ECHS1: variants seen among roughly 807,000 people sequenced by gnomAD.
ECHS1 encodes the protein enoyl-CoA hydratase, mitochondrial.
Under a neutral mutation model 33.5 loss-of-function variants are expected in ECHS1, and 19 were observed. That is an observed-to-expected ratio of 0.57 (90% confidence interval 0.40 to 0.83). The LOEUF is 0.83. Ranked by LOEUF, ECHS1 falls within the 40% of genes least tolerant of loss-of-function variation. The probability of loss-of-function intolerance (pLI) is 0.00; values close to 1 mark genes in which losing one functional copy is unlikely to be tolerated. For synonymous variants in ECHS1, 158 were observed against 146.6 expected (o/e 1.08, Z -0.56); for missense variants, 365 against 381.3 (o/e 0.96, Z 0.36).
At chr10:133,365,329 C>CGGCAAGCCCGGGG (rs1311048826) in intron 6 of ECHS1, among the ~76,000 whole-genome samples, 1 of 152,236 alleles carries the variant, frequency 6.6e-6, no homozygotes, top group Non-Finnish European at 1.5e-5. Context: ...CTCAAGCCAA[C>CGGCAAGCCCGGGG]GGCAAGCCCG....
At chr10:133,368,070 T>C (rs1849056009) in intron 4 of ECHS1, among the ~76,000 whole-genome samples, 1 of 152,094 alleles carries the variant, frequency 6.6e-6, no homozygotes, top group Non-Finnish European at 1.5e-5. Flanking sequence ...CTTTATCTCT[T>C]TGTCTTGTGT....
intron 3 of ECHS1, 72 bp from the exon 4 acceptor site, chr10:133,369,094 A>G: frequency 2.8e-6 from 4 of 1,443,014 alleles, no homozygotes; most frequent in Non-Finnish European, 3.9e-6. Context: ...TTGCTTATTC[A>G]AATTTTCCAT....
intron 6 of ECHS1, among the ~76,000 whole-genome samples, chr10:133,365,583 T>C (rs902355198): frequency 1.4e-4 from 21 of 152,012 alleles, no homozygotes; most frequent in Non-Finnish European, 1.8e-4. Context: ...GCTGCAAGCC[T>C]GCGTAGCCAC....
chr10:133,369,760 G>C (rs564116684), intron 3 of ECHS1, 144 bp downstream of exon 3: 3 of 1,188,008 alleles, frequency 2.5e-6, no homozygotes, highest in African/African-American at 3.1e-5. Context: ...CACAGTTCCT[G>C]GCTCTTTAGC....
intron 7 of ECHS1, among the ~76,000 whole-genome samples, 179 bp downstream of exon 7, chr10:133,364,479 C>G (rs986523895): frequency 1.3e-5 from 2 of 152,156 alleles, no homozygotes; most frequent in African/African-American, 4.8e-5. Context: ...CTTGTACATG[C>G]TCTACTTTTT....
At chr10:133,363,206 C>T (rs1268895796) in intron 7 of ECHS1, among the ~76,000 whole-genome samples, 1 of 152,248 alleles carries the variant, frequency 6.6e-6, no homozygotes, top group East Asian at 1.9e-4. Flanking sequence ...GCCTCAGATG[C>T]ACCCATCTTG....
intron 3 of ECHS1, 135 bp from the exon 4 acceptor site, chr10:133,369,157 C>A: frequency 1.4e-6 from 1 of 725,376 alleles, no homozygotes; most frequent in Non-Finnish European, 2.3e-6. Context: ...TGGCACCAAA[C>A]TAGATAATTG....
At chr10:133,363,246 G>T (rs1223303422) in intron 7 of ECHS1, among the ~76,000 whole-genome samples, 3 of 152,230 alleles carry the variant, frequency 2.0e-5, no homozygotes, top group Non-Finnish European at 4.4e-5. Flanking sequence ...ACTGGATGAT[G>T]GGTGGCCTGT....
intron 6 of ECHS1, among the ~76,000 whole-genome samples, chr10:133,365,203 C>T (rs1268089036): frequency 4.6e-5 from 7 of 152,212 alleles, no homozygotes; most frequent in East Asian, 1.9e-4. Context: ...TGGAGGCAGG[C>T]GCTGTGGCTC....
intron 5 of ECHS1, 131 bp downstream of exon 5, chr10:133,366,758 G>T (rs1287809742): frequency 1.8e-5 from 12 of 662,734 alleles, no homozygotes; most frequent in Non-Finnish European, 2.4e-5. Flanking sequence ...ACCCATGAGG[G>T]GGACACCTGG....
At chr10:133,369,763 T>C in intron 3 of ECHS1, 141 bp downstream of exon 3, 1 of 1,226,864 alleles carries the variant, frequency 8.2e-7, no homozygotes, top group Non-Finnish European at 1.1e-6. Context: ...AGTTCCTGGC[T>C]CTTTAGCACC....
At chr10:133,369,145 G>T in intron 3 of ECHS1, 123 bp from the exon 4 acceptor site, 1 of 795,658 alleles carries the variant, frequency 1.3e-6, no homozygotes, top group Non-Finnish European at 2.0e-6. Flanking sequence ...AGACTAACAT[G>T]GTGGCACCAA....
chr10:133,367,266 A>C (rs1408608853), intron 4 of ECHS1, among the ~76,000 whole-genome samples: 4 of 152,268 alleles, frequency 2.6e-5, no homozygotes, highest in African/African-American at 4.8e-5. Flanking sequence ...TATAATAAAG[A>C]AAATAGTTAG....
chr10:133,363,577 A>C (rs1848993857), intron 7 of ECHS1, among the ~76,000 whole-genome samples: 1 of 152,212 alleles, frequency 6.6e-6, no homozygotes, highest in Non-Finnish European at 1.5e-5. Context: ...TGAGGTCAGG[A>C]GTTCAAGACC....
rs1031728707 is a variant in ECHS1 at position 133,367,415 on chromosome 10, G to A, written c.515-422C>T. On this transcript the variant is annotated intron_variant, in intron 4 of 7. Coordinates refer to ENST00000368547, the MANE Select transcript of ECHS1 (RefSeq NM_004092.4). ...AATATAACCAAGAAATAACTGGCGG[G>A]TATAGGGTCAGGTGCTGAAGGCACA... Among the ~76,000 whole-genome samples, 106 of 151,288 alleles carry A rather than the reference G, an allele frequency of 7.0e-4. 2 individuals are homozygous for A. Among genetic ancestry groups the A allele is most frequent in the Non-Finnish European group, 2.4e-4 (16 of 68,014 alleles).
At chr10:133,366,231 G>A (rs888444170) in intron 5 of ECHS1, 136 bp from the exon 6 acceptor site, 34 of 996,208 alleles carry the variant, frequency 3.4e-5, no homozygotes, top group South Asian at 3.2e-4. Context: ...GCTTCCACAC[G>A]GGAAGTGCCG....
intron 4 of ECHS1, among the ~76,000 whole-genome samples, chr10:133,368,137 G>C (rs924144326): frequency 6.6e-6 from 1 of 152,128 alleles, no homozygotes; most frequent in Admixed American, 6.5e-5. Flanking sequence ...GCTAAGCCCC[G>C]TAGGGCTGGA....
chr10:133,370,351 T>A (rs1398231296), intron 2 of ECHS1, among the ~76,000 whole-genome samples: 1 of 152,220 alleles, frequency 6.6e-6, no homozygotes, highest in Non-Finnish European at 1.5e-5. Flanking sequence ...AAGAAGCTGT[T>A]TTGCTGGTGG....
chr10:133,370,793 A>G lies in ECHS1; in HGVS notation c.89-36T>C, dbSNP rs751842862. 5 of 1,584,330 alleles carry G rather than the reference A, an allele frequency of 3.2e-6. No homozygotes were observed. The South Asian group carries it at 4.7e-5, about 15-fold the overall frequency. ...AAGGCAAAAAGGGGTATCTATTCAC[A>G]CAGGTATCAAACTGGGGAGAGTGGG... On this transcript the variant is annotated intron_variant, in intron 1 of 7. Coordinates refer to ENST00000368547, the MANE Select transcript of ECHS1 (RefSeq NM_004092.4).
Sources: gnomAD v4.1 joint callset for allele counts (sites outside exome capture counted in the v4.1 genomes callset) on GRCh38, gnomAD v4.1.1 for gene constraint, MANE v1.5 for transcripts, NCBI Gene and HGNC (gene_info 2026-07-23, HGNC 2026-07-21) for gene names.